Variants in SLC26A3 observed in about 807,000 individuals in gnomAD.
SLC26A3 encodes the protein chloride anion exchanger.
SLC26A3 carries 64 observed loss-of-function variants against 85.6 expected under a neutral mutation model. The ratio of observed to expected loss-of-function variants is 0.75; its 90% confidence interval spans 0.61 to 0.92. The LOEUF (loss-of-function observed/expected upper bound fraction) is 0.92, where lower values mean the gene tolerates loss of function less well. SLC26A3 is among the 40% of genes least tolerant of loss of function. The probability of loss-of-function intolerance (pLI) is 0.00; values close to 1 mark genes in which losing one functional copy is unlikely to be tolerated. For synonymous variants in SLC26A3, 349 were observed against 336.0 expected, an observed-to-expected ratio of 1.04 and a Z score of -0.42; for missense variants, 922 against 927.3, an observed-to-expected ratio of 0.99 and a Z score of 0.07.
rs745692539 is a variant in SLC26A3, at chr7:107,776,680, A to G, written c.1541T>C (p.Ile514Thr). Residue 514 changes from isoleucine (I) to threonine (T), a missense_variant, in exon 14 of 21, where the codon ATT (isoleucine) becomes ACT (threonine). Coordinates refer to ENST00000340010, the MANE Select transcript of SLC26A3 (RefSeq NM_000111.3). The part of the protein sequence containing the change: ...QFPKCSTLAN[I>T]GRTNIYKNKK... ...ATTCTTATAGATGTTGGTTCTTCCA[A>G]TATTAGCCAGCGTGCTGCATTTTGG... The G allele has an allele frequency of 2.4e-5, 38 of 1,613,776 alleles. No individual in the cohort carries two copies. Among genetic ancestry groups the G allele is most frequent in the Non-Finnish European group, 3.2e-5 (38 of 1,179,952 alleles).
intron 15 of SLC26A3, chr7:107,776,020 C>T (rs939564143): frequency 8.5e-6 from 2 of 234,658 alleles, no homozygotes; most frequent in African/African-American, 4.6e-5. Context: ...GCCAGGGACA[C>T]TCAGTATGTA....
In SLC26A3 at chr7:107,783,321, T is replaced by C. The variant is rs2115845329; in HGVS notation, c.1003A>G (p.Thr335Ala). ...CAATCTCCTACGGTGTTTTGGAAAG[T>C]CTCCACGTCAGGTGTAATAGGGGGC... ...FQPPITPDVE[T>A]FQNTVGDCFG... The change falls in exon 9 of 21, where the codon ACT becomes GCT. Residue 335 changes from threonine to alanine, a missense_variant. Transcript: ENST00000340010. 6.2e-7 allele frequency: 1 copy of C among 1,614,140 alleles called. No individual in the cohort carries two copies. Among genetic ancestry groups the C allele is most frequent in the Non-Finnish European group, 8.5e-7 (1 of 1,180,014 alleles).
chr7:107,780,113 A>G (rs779298843), intron 11 of SLC26A3, among the ~76,000 whole-genome samples: 1 of 151,730 alleles, frequency 6.6e-6, no homozygotes, highest in Non-Finnish European at 1.5e-5. Context: ...AAGCAGAGAC[A>G]GTCTAATGTG....
intron 11 of SLC26A3, among the ~76,000 whole-genome samples, chr7:107,780,313 A>G (rs1313012514): frequency 1.3e-5 from 2 of 152,134 alleles, no homozygotes; most frequent in Admixed American, 1.3e-4. Flanking sequence ...GGGCTTTAAA[A>G]TTAGTCAGTG....
intron 6 of SLC26A3, among the ~76,000 whole-genome samples, chr7:107,788,567 G>C (rs1724891498): frequency 6.6e-6 from 1 of 151,812 alleles, no homozygotes; most frequent in South Asian, 2.1e-4. Flanking sequence ...TTAAGAAACA[G>C]TTTAAAACTT....
At chr7:107,765,953 GA>G in intron 20 of SLC26A3, 75 bp from the exon 21 acceptor site, 1 of 1,266,280 alleles carries the variant, frequency 7.9e-7, no homozygotes, top group East Asian at 2.3e-5. Flanking sequence ...TTAGGAGCTA[GA>G]ATTTACCAGA....
intron 8 of SLC26A3, among the ~76,000 whole-genome samples, chr7:107,784,632 A>G (rs145927777): frequency 0.014 from 2,065 of 152,214 alleles, 56 homozygotes; most frequent in African/African-American, 0.048. Context: ...GGGTTTTGCC[A>G]TGTTGGCCAG....
chr7:107,789,926 G>A (rs1794364254), intron 5 of SLC26A3, among the ~76,000 whole-genome samples: 1 of 152,118 alleles, frequency 6.6e-6, no homozygotes. Context: ...TAGGATATAA[G>A]TCTAGTTTGC....
intron 1 of SLC26A3, among the ~76,000 whole-genome samples, chr7:107,798,254 T>C (rs1794543547): frequency 6.6e-6 from 1 of 152,130 alleles, no homozygotes; most frequent in Admixed American, 6.5e-5. Flanking sequence ...TTTTTTCTTT[T>C]TGAGCAGAAA....
At chr7:107,790,894 G>A (rs185500182) in intron 5 of SLC26A3, among the ~76,000 whole-genome samples, 154 bp downstream of exon 5, 32 of 152,234 alleles carry the variant, frequency 2.1e-4, no homozygotes, top group African/African-American at 7.7e-4. Flanking sequence ...GTTGTGGTGA[G>A]TGACCCTTCG....
At chr7:107,790,866 C>T (rs1794385256) in intron 5 of SLC26A3, among the ~76,000 whole-genome samples, 182 bp downstream of exon 5, 2 of 152,116 alleles carry the variant, frequency 1.3e-5, no homozygotes, top group Non-Finnish European at 2.9e-5. Flanking sequence ...GTACTGTTGA[C>T]CCACTCCTCT....
At chr7:107,793,551 C>T (rs1794439701) in intron 3 of SLC26A3, among the ~76,000 whole-genome samples, 191 bp downstream of exon 3, 1 of 152,008 alleles carries the variant, frequency 6.6e-6, no homozygotes, top group African/African-American at 2.4e-5. Context: ...GGCAAATCCA[C>T]AGAGAAAGGG....
Position 107,787,525 on chromosome 7 carries a change from CA to C in SLC26A3, c.736-17del. The C allele has an allele frequency of 1.2e-6, 2 of 1,607,144 alleles. No individual in the cohort carries two copies. ...AGTATAGTACCTACAATTATAAAAACAAAAACCACCAAAGCCCTATATTAAT... is the reference window on the plus strand; with the variant it reads ...AGTATAGTACCTACAATTATAAAAACAAAACCACCAAAGCCCTATATTAAT... On this transcript the variant is annotated splice_polypyrimidine_tract_variant and intron_variant, in intron 6 of 20. Coordinates refer to ENST00000340010, the MANE Select transcript of SLC26A3 (RefSeq NM_000111.3).
In SLC26A3 at chr7:107,773,961, C is replaced by G; in HGVS notation, c.1966G>C (p.Val656Leu). The G allele has an allele frequency of 6.2e-7, 1 of 1,614,138 alleles. No individual in the cohort carries two copies. The highest frequency in any genetic ancestry group is 8.5e-7 in the Non-Finnish European group (1 of 1,179,988). Residue 656 changes from valine to leucine, a missense_variant, in exon 17 of 21, where the codon GTG becomes CTG. Val to Leu is a conservative substitution (Grantham distance 32). Coordinates refer to ENST00000340010, the MANE Select transcript of SLC26A3 (RefSeq NM_000111.3). ...ACTGAAGAAACATCAAGAAAGGACA[C>G]TGCTGAAAAGTCAAGAATGAGGCTG... ...LHSLILDFSA[V>L]SFLDVSSVRG... is the part of the protein sequence containing the mutation.
intron 1 of SLC26A3, among the ~76,000 whole-genome samples, chr7:107,797,300 C>A (rs189245960): frequency 6.6e-6 from 1 of 152,250 alleles, no homozygotes; most frequent in East Asian, 1.9e-4. Context: ...TCAAGACCAA[C>A]CTGGCCAACA....
chr7:107,795,757 C>G (rs1794485557), intron 1 of SLC26A3, among the ~76,000 whole-genome samples: 2 of 152,074 alleles, frequency 1.3e-5, no homozygotes, highest in Admixed American at 1.3e-4. Flanking sequence ...TTCTGTATTA[C>G]TACTCATAAT....
chr7:107,796,185 A>G (rs901187969), intron 1 of SLC26A3, among the ~76,000 whole-genome samples: 37 of 151,882 alleles, frequency 2.4e-4, no homozygotes, highest in Non-Finnish European at 5.0e-4. Flanking sequence ...ATAGCTCACT[A>G]TGGCCTCTTA....
intron 17 of SLC26A3, among the ~76,000 whole-genome samples, chr7:107,772,872 G>A (rs976176508): frequency 3.3e-5 from 5 of 152,070 alleles, no homozygotes; most frequent in Non-Finnish European, 7.4e-5. Context: ...AGACTTGAGA[G>A]TTACATGATG....
intron 13 of SLC26A3, among the ~76,000 whole-genome samples, chr7:107,777,597 C>CAATA (rs750609003): frequency 5.4e-4 from 82 of 151,920 alleles, no homozygotes; most frequent in African/African-American, 1.3e-3. Flanking sequence ...TCTCAAAAGA[C>CAATA]AATAAATAAA....
Sources: allele counts gnomAD v4.1 joint callset (sites outside exome capture counted in the v4.1 genomes callset), GRCh38; gene constraint gnomAD v4.1.1; transcripts MANE v1.5; gene names NCBI Gene and HGNC (gene_info 2026-07-23, HGNC 2026-07-21).